GABBR2: variants seen among roughly 807,000 people sequenced by gnomAD.
GABBR2 encodes gamma-aminobutyric acid type B receptor subunit 2.
GABBR2 carries 23 observed loss-of-function variants against 105.6 expected under a neutral mutation model. The ratio of observed to expected loss-of-function variants is 0.22; its 90% confidence interval spans 0.16 to 0.31. The LOEUF is 0.31. GABBR2 is among the 10% of genes least tolerant of loss of function. The pLI is 1.00. For missense variants in GABBR2, 734 were observed against 1,245.5 expected, an observed-to-expected ratio of 0.59 and a Z score of 6.18; for synonymous variants, 478 against 499.7, an observed-to-expected ratio of 0.96 and a Z score of 0.58.
intron 14 of GABBR2, among the ~76,000 whole-genome samples, chr9:98,310,271 G>C (rs567209648): frequency 6.6e-6 from 1 of 151,472 alleles, no homozygotes. Context: ...TTTTTGAGAC[G>C]GAGTTTCGCT....
intron 7 of GABBR2, among the ~76,000 whole-genome samples, chr9:98,428,994 C>T (rs1252318924): frequency 6.6e-6 from 1 of 152,120 alleles, no homozygotes; most frequent in Non-Finnish European, 1.5e-5. Flanking sequence ...AGGCAGCTTT[C>T]TGGGTAGGTT....
At chr9:98,581,570 T>C (rs1196934938) in intron 1 of GABBR2, among the ~76,000 whole-genome samples, 5 of 152,080 alleles carry the variant, frequency 3.3e-5, no homozygotes, top group Non-Finnish European at 7.4e-5. Context: ...TCTGGGGCCC[T>C]CTATTAATTA....
In GABBR2 at chr9:98,436,315, A is replaced by ATATATATATATAT. The variant is rs59876797; in HGVS notation, c.1236+17665_1236+17666insATATATATATATA. Reference sequence around the variant, plus strand: ...TATATATATATATACCCATAAATATACCATATATATATATATACACACACA... The same window carrying ATATATATATATAT: ...TATATATATATATACCCATAAATATATATATATATATATCCATATATATATATATACACACACA... On this transcript the variant is annotated intron_variant, in intron 7 of 18. Coordinates refer to ENST00000259455, the MANE Select transcript of GABBR2 (RefSeq NM_005458.8). Among the ~76,000 whole-genome samples, 332 of 87,000 alleles carry ATATATATATATAT rather than the reference A, an allele frequency of 3.8e-3. 42 individuals carry two copies. The highest frequency in any genetic ancestry group is 0.013 in the African/African-American group (243 of 19,222). 57.1% of individuals were successfully genotyped at this position (87,000 alleles called of 152,430 possible).
intron 3 of GABBR2, among the ~76,000 whole-genome samples, chr9:98,510,173 C>A (rs1196946159): frequency 6.6e-6 from 1 of 152,168 alleles, no homozygotes; most frequent in African/African-American, 2.4e-5. Context: ...CCAAACTAAG[C>A]TTCATAAGTG....
chr9:98,565,118 G>T (rs1030960664), intron 2 of GABBR2, among the ~76,000 whole-genome samples: 1 of 152,166 alleles, frequency 6.6e-6, no homozygotes, highest in African/African-American at 2.4e-5. Flanking sequence ...ACAGCTCTCT[G>T]CCCTACCTGA....
At chr9:98,431,277 C>G (rs934193078) in intron 7 of GABBR2, among the ~76,000 whole-genome samples, 2 of 152,146 alleles carry the variant, frequency 1.3e-5, no homozygotes, top group Admixed American at 1.3e-4. Context: ...GGAATAGCAA[C>G]CATTGTCTTC....
chr9:98,687,112 T>A (rs1009623953), intron 1 of GABBR2, among the ~76,000 whole-genome samples: 10 of 151,768 alleles, frequency 6.6e-5, no homozygotes, highest in Non-Finnish European at 1.3e-4. Flanking sequence ...ATCTAGACAC[T>A]AGTTAAAGCA....
intron 4 of GABBR2, among the ~76,000 whole-genome samples, chr9:98,488,675 C>CA (rs927497162): frequency 4.6e-5 from 7 of 151,986 alleles, no homozygotes; most frequent in African/African-American, 1.7e-4. Context: ...AAGTAAGTTG[C>CA]AAAGCCCTTT....
chr9:98,508,959 G>T (rs1827577634), intron 3 of GABBR2, among the ~76,000 whole-genome samples: 1 of 152,212 alleles, frequency 6.6e-6, no homozygotes, highest in Non-Finnish European at 1.5e-5. Context: ...GTGACAATGG[G>T]CAGACTGCCT....
chr9:98,671,482 G>A (rs1830406521), intron 1 of GABBR2, among the ~76,000 whole-genome samples: 1 of 152,190 alleles, frequency 6.6e-6, no homozygotes, highest in Admixed American at 6.5e-5. Flanking sequence ...TGTTTAGGTA[G>A]ACATATGCTT....
chr9:98,679,393 T>C (rs1409315088), intron 1 of GABBR2, among the ~76,000 whole-genome samples: 1 of 152,200 alleles, frequency 6.6e-6, no homozygotes, highest in Non-Finnish European at 1.5e-5. Context: ...CAGCAATAGT[T>C]AATTAGAAAA....
Position 98,306,427 on chromosome 9 carries a change from GA to G in GABBR2, c.2005-83del. The stretch of plus-strand genomic sequence containing the variant: ...GGCTGCTCTGAGAAGCTGTGGAGTG[GA>G]GGGTTACTCAGGAGGTGGGCTGCAG... On this transcript the variant is annotated intron_variant, in intron 14 of 18. Transcript: ENST00000259455. The surrounding 1 kb of genome is among the most constrained non-coding windows in gnomAD (Gnocchi z 5.4). The G allele has an allele frequency of 1.3e-6, 1 of 791,550 alleles. No homozygotes were observed. Among genetic ancestry groups the G allele is most frequent in the Non-Finnish European group, 2.1e-6 (1 of 473,944 alleles). 49.0% of individuals were successfully genotyped at this position (791,550 alleles called of 1,614,324 possible).
At chr9:98,556,515 C>T (rs884888) in intron 2 of GABBR2, among the ~76,000 whole-genome samples, 92,651 of 152,040 alleles carry the variant, frequency 0.61, 28,479 homozygotes, top group East Asian at 0.77. Context: ...TTTCCCAGAA[C>T]GAGAAGTTTT....
intron 6 of GABBR2, among the ~76,000 whole-genome samples, chr9:98,463,322 A>G (rs935526064): frequency 1.3e-5 from 2 of 152,238 alleles, no homozygotes; most frequent in African/African-American, 4.8e-5. Context: ...GTTTTCCCTA[A>G]ATTGATCTAC....
At chr9:98,707,431 C>G (rs1437256177) in intron 1 of GABBR2, 1 of 152,454 alleles carries the variant, frequency 6.6e-6, no homozygotes, top group Non-Finnish European at 1.5e-5. Context: ...GAAAAACTCG[C>G]AAACCCGACC....
Position 98,290,187 on chromosome 9 carries a change from C to T in GABBR2, c.*397G>A, listed in dbSNP as rs1385856709. 2 of 155,224 alleles carry T rather than the reference C, an allele frequency of 1.3e-5. No homozygotes were observed. Among genetic ancestry groups the T allele is most frequent in the Non-Finnish European group, 2.8e-5 (2 of 70,336 alleles). The allele number at this position is 155,224 out of a possible 1,614,324, so 9.6% of individuals were successfully genotyped here. On this transcript the variant is annotated 3_prime_UTR_variant, in exon 19 of 19. Transcript: ENST00000259455. Reference sequence around the variant, plus strand: ...GCAGAGGCAGTTTCTTCAGAAGCTCCTTGCCTCTTCCCAAGGCTGCTCGAG... The same window carrying T: ...GCAGAGGCAGTTTCTTCAGAAGCTCTTTGCCTCTTCCCAAGGCTGCTCGAG...
chr9:98,513,512 C>CAA (rs1030097470), intron 3 of GABBR2, among the ~76,000 whole-genome samples: 2 of 151,052 alleles, frequency 1.3e-5, no homozygotes, highest in Non-Finnish European at 2.9e-5. Context: ...ACTCATCTGA[C>CAA]AAAGGGTTAA....
intron 1 of GABBR2, among the ~76,000 whole-genome samples, chr9:98,636,871 T>C (rs1241661816): frequency 6.6e-6 from 1 of 152,156 alleles, no homozygotes; most frequent in Non-Finnish European, 1.5e-5. Context: ...CACACTAAAA[T>C]GTCTCCAAAT....
intron 7 of GABBR2, among the ~76,000 whole-genome samples, chr9:98,433,887 C>A (rs1337470378): frequency 6.6e-6 from 1 of 151,976 alleles, no homozygotes; most frequent in South Asian, 2.1e-4. Context: ...GACAGAGGGA[C>A]AATGTTCACA....
Sources: allele counts gnomAD v4.1 joint callset (sites outside exome capture counted in the v4.1 genomes callset), GRCh38; gene constraint gnomAD v4.1.1; non-coding constraint Gnocchi (gnomAD v3.1); transcripts MANE v1.5; gene names NCBI Gene and HGNC (gene_info 2026-07-23, HGNC 2026-07-21).